The following NUP210 variants were observed in gnomAD, a reference collection of about 807,000 sequenced individuals.
NUP210 encodes nucleoporin 210.
A neutral mutation model predicts 196.0 loss-of-function variants in NUP210; 151 were observed. The ratio of observed to expected loss-of-function variants is 0.77; its 90% CI spans 0.67 to 0.88. NUP210 has a LOEUF of 0.88. Among genes scored for constraint, NUP210 ranks in the 40% least tolerant of loss-of-function variants. The pLI is 0.00. For synonymous variants in NUP210, 1,070 were observed against 1,052.7 expected, an observed-to-expected ratio of 1.02 and a Z score of -0.32; for missense variants, 2,314 against 2,493.7, an observed-to-expected ratio of 0.93 and a Z score of 1.53.
intron 16 of NUP210, 82 bp downstream of exon 16, chr3:13,358,140 G>C (rs1204549755): frequency 1.5e-6 from 2 of 1,312,928 alleles, no homozygotes; most frequent in East Asian, 2.3e-5. Flanking sequence ...TGCAATGCTC[G>C]GGACCATGGG....
intron 32 of NUP210, among the ~76,000 whole-genome samples, chr3:13,326,844 C>G (rs1362804645): frequency 6.6e-6 from 1 of 152,252 alleles, no homozygotes. Flanking sequence ...GGGACCCCCC[C>G]ACCGACTTGG....
chr3:13,407,363 C>A (rs1033997167), intron 1 of NUP210, among the ~76,000 whole-genome samples: 3 of 152,158 alleles, frequency 2.0e-5, no homozygotes, highest in African/African-American at 7.2e-5. Context: ...CTGCTTGAAC[C>A]TGTCCTTCCT....
At chr3:13,384,926 CAGG>C (rs910151276) in intron 6 of NUP210, among the ~76,000 whole-genome samples, 1 of 152,188 alleles carries the variant, frequency 6.6e-6, no homozygotes, top group African/African-American at 2.4e-5. Context: ...GGGCTCTGAC[CAGG>C]ACACCCACGC....
chr3:13,368,884 A>T (rs894235429), intron 13 of NUP210, among the ~76,000 whole-genome samples: 1 of 152,252 alleles, frequency 6.6e-6, no homozygotes, highest in Non-Finnish European at 1.5e-5. Context: ...TAACACTGCC[A>T]TGAACATGGG....
chr3:13,381,979 G>A (rs920671736), intron 6 of NUP210, among the ~76,000 whole-genome samples: 1 of 152,164 alleles, frequency 6.6e-6, no homozygotes, highest in African/African-American at 2.4e-5. Flanking sequence ...TGCTCAAGCA[G>A]CCCCAGATAC....
chr3:13,337,913 A>C lies in NUP210; in HGVS notation c.3476T>G (p.Leu1159Arg), dbSNP rs767568670. ...TGKVVIISQD[L>R]VQVEVLLLRA... is the part of the protein sequence containing the mutation. ...TAGCAGCAGCACCTCCACCTGCACGAGGTCCTGGGGAAACAGGGTGGCACT... is the reference window on the plus strand; with the variant it reads ...TAGCAGCAGCACCTCCACCTGCACGCGGTCCTGGGGAAACAGGGTGGCACT... The change falls in exon 26 of 40, where the codon CTC becomes CGC. Residue 1159 changes from leucine to arginine, a missense_variant. Coordinates refer to ENST00000254508, the MANE Select transcript of NUP210 (RefSeq NM_024923.4). 6.8e-6 allele frequency: 11 copies of C among 1,612,680 alleles called. No homozygotes were observed. The highest frequency in any genetic ancestry group is 8.5e-6 in the Non-Finnish European group (10 of 1,179,792).
intron 1 of NUP210, among the ~76,000 whole-genome samples, chr3:13,406,426 T>C (rs563528733): frequency 9.9e-5 from 15 of 152,092 alleles, no homozygotes; most frequent in Non-Finnish European, 2.1e-4. Context: ...CCCTGACCAG[T>C]ACAGGCTCTG....
intron 32 of NUP210, 50 bp downstream of exon 32, chr3:13,327,167 T>C: frequency 6.7e-7 from 1 of 1,500,008 alleles, no homozygotes; most frequent in Non-Finnish European, 9.0e-7. Context: ...CCACCCAGCT[T>C]TGCAAGCGTC....
At chr3:13,402,900 A>C (rs1344727019) in intron 1 of NUP210, among the ~76,000 whole-genome samples, 5 of 152,132 alleles carry the variant, frequency 3.3e-5, no homozygotes, top group Admixed American at 3.3e-4. Flanking sequence ...TGGTGACCTC[A>C]CAATCACTCA....
chr3:13,335,446 C>A lies in NUP210; in HGVS notation c.3843+8G>T. ...CCCTTCCCTGTGGCCTTTCCACCTG[C>A]CTCCTACCTGGACTTGGATCTCATC... On this transcript the variant is annotated splice_region_variant and intron_variant, in intron 28 of 39. Transcript: ENST00000254508. 6.2e-7 allele frequency: 1 copy of A among 1,610,320 alleles called. No individual in the cohort carries two copies.
intron 1 of NUP210, among the ~76,000 whole-genome samples, chr3:13,412,217 T>C (rs1001813953): frequency 7.7e-6 from 1 of 130,002 alleles, no homozygotes; most frequent in African/African-American, 3.4e-5. Context: ...CACACCCAGC[T>C]TTATTTTCCT....
rs146100812 is a variant in NUP210 at position 13,375,536 on chromosome 3, G to C, written c.1399C>G (p.Pro467Ala). The C allele has an allele frequency of 6.2e-7, 1 of 1,614,112 alleles. No homozygotes were observed. The highest frequency in any genetic ancestry group is 1.3e-5 in the African/African-American group (1 of 75,022). The change falls in exon 11 of 40, where the codon CCA becomes GCA. Residue 467 changes from proline to alanine, a missense_variant. Pro to Ala is a conservative substitution (Grantham distance 27). Transcript: ENST00000254508. ...GTGTACTGATAGGCGCCCGTCTTTGGTTGCCACGGAAATGTCAAGATGCTG... is the reference window on the plus strand; with the variant it reads ...GTGTACTGATAGGCGCCCGTCTTTGCTTGCCACGGAAATGTCAAGATGCTG... ...YPSILTFPWQPKTGAYQYTIR... is the reference protein window; with the variant it reads ...YPSILTFPWQAKTGAYQYTIR...
Position 13,352,094 on chromosome 3 carries a change from G to A in NUP210, c.2719C>T (p.His907Tyr). The A allele has an allele frequency of 6.2e-7, 1 of 1,613,858 alleles. No homozygotes were observed. The highest frequency in any genetic ancestry group is 1.1e-5 in the South Asian group (1 of 91,070). ...AAGGACTGTACCTGGATGCCAGGGT[G>A]GTTGTAGATGGTCACCTCTTCTGGG... Reference protein sequence around the residue: ...VSPEEVTIYNHPGIQAELRIR... With the variant: ...VSPEEVTIYNYPGIQAELRIR... The change falls in exon 19 of 40, where the codon CAC (histidine) becomes TAC (tyrosine). Residue 907 changes from histidine (H) to tyrosine (Y), a missense_variant. Physicochemically the swap from His to Tyr is moderately conservative, Grantham distance 83. Transcript: ENST00000254508.
At chr3:13,370,990 G>T (rs555371963) in intron 13 of NUP210, among the ~76,000 whole-genome samples, 1 of 152,222 alleles carries the variant, frequency 6.6e-6, no homozygotes, top group Non-Finnish European at 1.5e-5. Context: ...CAGGCACCAC[G>T]GACTGCCCAC....
chr3:13,386,532 A>G, intron 5 of NUP210, 125 bp from the exon 6 acceptor site: 1 of 1,249,158 alleles, frequency 8.0e-7, no homozygotes, highest in Non-Finnish European at 1.1e-6. Flanking sequence ...GAAACAAGAT[A>G]TCATTCCCAA....
At position 13,379,080 on chromosome 3, in the gene NUP210, T is replaced by A; in HGVS notation, c.977-100A>T. On this transcript the variant is annotated intron_variant, in intron 7 of 39. Coordinates refer to ENST00000254508, the MANE Select transcript of NUP210 (RefSeq NM_024923.4). The surrounding 1 kb of genome is among the most constrained non-coding windows in gnomAD (Gnocchi z 4.2). ...GAATCCTGATCATCAAGACATCACA[T>A]GGAGAGAAGAAGAGGGGATGAAAAC... The A allele has an allele frequency of 9.9e-7, 1 of 1,006,654 alleles. No homozygotes were observed. The highest frequency in any genetic ancestry group is 2.4e-5 in the East Asian group (1 of 41,624). The allele number at this position is 1,006,654 out of a possible 1,614,324, so 62.4% of individuals were successfully genotyped here.
intron 4 of NUP210, among the ~76,000 whole-genome samples, chr3:13,389,171 A>G (rs1241973364): frequency 6.6e-6 from 1 of 152,218 alleles, no homozygotes; most frequent in Admixed American, 6.5e-5. Flanking sequence ...TGGTTACTCT[A>G]GGTGTCACAC....
In NUP210 at chr3:13,347,444, A is replaced by G; in HGVS notation, c.2836-4141T>C. 1 of 594,956 alleles carries G rather than the reference A, an allele frequency of 1.7e-6. No homozygotes were observed. The highest frequency in any genetic ancestry group is 2.1e-6 in the Non-Finnish European group (1 of 473,322). The allele number at this position is 594,956 out of a possible 1,614,324, so 36.9% of individuals were successfully genotyped here. ...ATCGGATAAACACTCCTATGTGCAA[A>G]CCAGCCGAAAACAAAATAAAGGCCC... is the stretch of plus-strand genomic sequence containing the variant. On this transcript the variant is annotated intron_variant, in intron 20 of 39. Transcript: ENST00000254508. This position sits in a 1 kb window ranked among gnomAD's most constrained non-coding sequence, Gnocchi z 4.7.
At chr3:13,405,404 G>A (rs2124954575) in intron 1 of NUP210, among the ~76,000 whole-genome samples, 1 of 152,242 alleles carries the variant, frequency 6.6e-6, no homozygotes, top group Admixed American at 6.5e-5. Flanking sequence ...CAGCTCTCCT[G>A]AGATTCCAGC....
Sources: gnomAD v4.1 joint callset for allele counts (sites outside exome capture counted in the v4.1 genomes callset) on GRCh38, gnomAD v4.1.1 for gene constraint, Gnocchi (gnomAD v3.1) non-coding constraint, MANE v1.5 for transcripts, NCBI Gene and HGNC (gene_info 2026-07-23, HGNC 2026-07-21) for gene names.